WWTR1: variants seen among roughly 807,000 people sequenced by gnomAD.
WWTR1 encodes the protein WW domain-containing transcription regulator protein 1.
WWTR1 carries 13 observed loss-of-function variants against 40.1 expected under a neutral mutation model. The ratio of observed to expected loss-of-function variants is 0.32; its 90% CI spans 0.21 to 0.52. WWTR1 has a LOEUF of 0.52. Among genes scored for constraint, WWTR1 ranks in the 20% least tolerant of loss-of-function variants. The pLI, the probability that WWTR1 is intolerant of heterozygous loss-of-function variation, is 0.97. For missense variants in WWTR1, 436 were observed against 523.1 expected (o/e 0.83, Z 1.63); for synonymous variants, 230 against 210.1 (o/e 1.09, Z -0.82).
At chr3:149,664,684 G>A (rs1713732746) in intron 2 of WWTR1, among the ~76,000 whole-genome samples, 1 of 151,898 alleles carries the variant, frequency 6.6e-6, no homozygotes, top group Admixed American at 6.6e-5. Context: ...CACCTCCCGG[G>A]TTCAAACGAT....
intron 3 of WWTR1, among the ~76,000 whole-genome samples, chr3:149,569,334 A>T (rs1033605081): frequency 6.6e-6 from 1 of 152,250 alleles, no homozygotes; most frequent in Non-Finnish European, 1.5e-5. Flanking sequence ...AATAATGATA[A>T]TAAACATATA....
chr3:149,648,286 A>C (rs1304119419), intron 2 of WWTR1, among the ~76,000 whole-genome samples: 1 of 152,218 alleles, frequency 6.6e-6, no homozygotes, highest in Non-Finnish European at 1.5e-5. Flanking sequence ...TTTACAATGA[A>C]AATGGCTAAA....
intron 1 of WWTR1, 116 bp from the exon 2 acceptor site, chr3:149,657,425 GAGAC>G: frequency 8.0e-7 from 1 of 1,257,366 alleles, no homozygotes; most frequent in Non-Finnish European, 1.1e-6. Context: ...AGGAAACGAG[GAGAC>G]AGATAATTGC....
chr3:149,648,805 G>A (rs6773681), intron 2 of WWTR1, among the ~76,000 whole-genome samples: 194 of 152,202 alleles, frequency 1.3e-3, no homozygotes, highest in African/African-American at 4.4e-3. Context: ...CAAGGTGGAA[G>A]GCAGCTGATC....
chr3:149,651,141 A>G (rs1712841469), intron 2 of WWTR1, among the ~76,000 whole-genome samples: 1 of 152,232 alleles, frequency 6.6e-6, no homozygotes, highest in South Asian at 2.1e-4. Context: ...TTTTTGAATG[A>G]CAAAGGGCCC....
intron 3 of WWTR1, among the ~76,000 whole-genome samples, chr3:149,562,648 A>AC (rs1560061626): frequency 7.4e-6 from 1 of 134,988 alleles, no homozygotes; most frequent in African/African-American, 2.7e-5. Flanking sequence ...CACACACACA[A>AC]AGGGGGAGGG....
intron 2 of WWTR1, among the ~76,000 whole-genome samples, chr3:149,590,761 T>TC (rs750724603): frequency 3.9e-5 from 6 of 152,188 alleles, no homozygotes; most frequent in Non-Finnish European, 2.9e-5. Flanking sequence ...TAGGGCTTTT[T>TC]CCATGATACA....
chr3:149,544,124 AT>A lies in WWTR1; in HGVS notation c.569-1588del, dbSNP rs1462142203. Among the ~76,000 whole-genome samples, 3 of 151,948 alleles carry A rather than the reference AT, an allele frequency of 2.0e-5. No individual in the cohort carries two copies. In the East Asian group the frequency reaches 5.8e-4, roughly 29 times the overall value. On this transcript the variant is annotated intron_variant, in intron 3 of 6. Transcript: ENST00000360632. ...GCTATGCATATTATGTAGAAATATGATTTACAAGTAAATCTCCTTAAATGAA... is the reference window on the plus strand; with the variant it reads ...GCTATGCATATTATGTAGAAATATGATTACAAGTAAATCTCCTTAAATGAA...
At chr3:149,625,718 G>A (rs570327487) in intron 2 of WWTR1, among the ~76,000 whole-genome samples, 74 of 151,862 alleles carry the variant, frequency 4.9e-4, no homozygotes, top group African/African-American at 1.7e-3. Flanking sequence ...TTGAACCCAC[G>A]AGGCAGAGGT....
In WWTR1 at chr3:149,590,378, G is replaced by A. The variant is rs762036468; in HGVS notation, c.432-17378C>T. Among the ~76,000 whole-genome samples the A allele has an allele frequency of 3.9e-5, 6 of 152,220 alleles. No individual in the cohort carries two copies. The East Asian group carries it at 5.8e-4, about 15-fold the overall frequency. ...TAAGAAATAAAAATGGGCCGGGTGC[G>A]GTGGCTTACACCTGTAATCCCAGCA... On this transcript the variant is annotated intron_variant, in intron 2 of 6. Transcript: ENST00000360632.
intron 5 of WWTR1, among the ~76,000 whole-genome samples, chr3:149,715,433 G>A (rs374572156): frequency 1.1e-4 from 16 of 152,352 alleles, no homozygotes; most frequent in Middle Eastern, 3.4e-3. Flanking sequence ...GCTGGCACCC[G>A]TGCCAGCACT....
intron 4 of WWTR1, among the ~76,000 whole-genome samples, chr3:149,720,367 GAA>G (rs1408970424): frequency 6.6e-6 from 1 of 152,086 alleles, no homozygotes; most frequent in African/African-American, 2.4e-5. Flanking sequence ...ACCATTTGTT[GAA>G]AAGACTGTCC....
intron 1 of WWTR1, among the ~76,000 whole-genome samples, chr3:149,695,893 A>C (rs561749101): frequency 6.6e-6 from 1 of 150,690 alleles, no homozygotes; most frequent in African/African-American, 2.4e-5. Flanking sequence ...CGGGTGGATC[A>C]TGAGGTCAGG....
intron 2 of WWTR1, among the ~76,000 whole-genome samples, chr3:149,629,557 C>A (rs16862070): frequency 0.015 from 2,352 of 152,284 alleles, 29 homozygotes; most frequent in African/African-American, 0.022. Flanking sequence ...ATAGTCTCTC[C>A]TGTTCTCCAA....
At chr3:149,586,412 A>G (rs1032201565) in intron 2 of WWTR1, among the ~76,000 whole-genome samples, 1 of 152,204 alleles carries the variant, frequency 6.6e-6, no homozygotes, top group Non-Finnish European at 1.5e-5. Context: ...AGAAAGATGA[A>G]AAAAAGCTAA....
At chr3:149,594,950 CTTTTTTTTTTTTTT>C (rs563658190) in intron 2 of WWTR1, among the ~76,000 whole-genome samples, 3 of 61,772 alleles carry the variant, frequency 4.9e-5, no homozygotes, top group South Asian at 6.6e-4. Flanking sequence ...CTCTTTTTTA[CTTTTTTTTTTTTTT>C]TTTTTTTTTT....
Position 149,527,900 on chromosome 3 carries a change from G to C in WWTR1, c.841C>G (p.Pro281Ala). The change falls in exon 5 of 7, where the codon CCA becomes GCA. Residue 281 changes from proline to alanine, a missense_variant. Coordinates refer to ENST00000360632, the MANE Select transcript of WWTR1 (RefSeq NM_015472.6). ...TLAPVQAAVN[P>A]PTMTPDMRSI... ...CTCATGTCTGGGGTCATCGTGGGTGGGTTGACAGCAGCCTGAACTGGGGCA... is the reference window on the plus strand; with the variant it reads ...CTCATGTCTGGGGTCATCGTGGGTGCGTTGACAGCAGCCTGAACTGGGGCA... 2.5e-6 allele frequency: 4 copies of C among 1,614,130 alleles called. No individual in the cohort carries two copies. The highest frequency in any genetic ancestry group is 1.7e-5 in the Admixed American group (1 of 60,012).
chr3:149,594,019 C>G (rs895888741), intron 2 of WWTR1, among the ~76,000 whole-genome samples: 7 of 152,164 alleles, frequency 4.6e-5, no homozygotes, highest in African/African-American at 1.4e-4. Flanking sequence ...AATCCTGTTT[C>G]TTGGGTCAGA....
intron 3 of WWTR1, among the ~76,000 whole-genome samples, chr3:149,559,319 GAAAAGAAAAAAGAAA>G (rs1175921131): frequency 4.3e-5 from 6 of 139,148 alleles, no homozygotes; most frequent in East Asian, 2.1e-4. Context: ...AAAAAGAAAA[GAAAAGAAAAAAGAAA>G]AAAAGAAAAA....
Sources: gnomAD v4.1 joint callset for allele counts (sites outside exome capture counted in the v4.1 genomes callset) on GRCh38, gnomAD v4.1.1 for gene constraint, MANE v1.5 for transcripts, NCBI Gene and HGNC (gene_info 2026-07-23, HGNC 2026-07-21) for gene names.